HAUS1: variants seen among roughly 807,000 people sequenced by gnomAD.
HAUS1 encodes HAUS augmin-like complex subunit 1.
Under a neutral mutation model 38.6 loss-of-function variants are expected in HAUS1, and 25 were observed. The observed-to-expected ratio is 0.65, with a 90% CI of 0.47 to 0.91. The LOEUF is 0.91. HAUS1 is among the 40% of genes least tolerant of loss of function. The pLI, the probability that HAUS1 is intolerant of heterozygous loss-of-function variation, is 0.00. For missense variants in HAUS1, 325 were observed against 328.4 expected, an observed-to-expected ratio of 0.99 and a Z score of 0.08; for synonymous variants, 109 against 112.9, an observed-to-expected ratio of 0.97 and a Z score of 0.22.
intron 4 of HAUS1, chr18:46,121,784 A>G (rs1321938974): frequency 6.6e-6 from 1 of 152,148 alleles, no homozygotes; most frequent in Non-Finnish European, 1.5e-5. Flanking sequence ...TTAATTGTAA[A>G]ATTGTTGTAA....
Position 46,105,592 on chromosome 18 carries a change from G to GTA in HAUS1, c.205+230_205+231dup, listed in dbSNP as rs1555697187. Among the ~76,000 whole-genome samples the GTA allele has an allele frequency of 9.9e-4, 143 of 145,042 alleles. 2 individuals carry two copies. Among genetic ancestry groups the GTA allele is most frequent in the South Asian group, 2.5e-3 (11 of 4,480 alleles). ...TGTGTGTGTGTGTGTGTGTGTGTGT[G>GTA]TATATATTTTAGACAATCTTGCTCT... On this transcript the variant is annotated intron_variant, in intron 2 of 8. Coordinates refer to ENST00000282058, the MANE Select transcript of HAUS1 (RefSeq NM_138443.4).
At chr18:46,116,286 G>A (rs993058000) in intron 2 of HAUS1, among the ~76,000 whole-genome samples, 1 of 152,112 alleles carries the variant, frequency 6.6e-6, no homozygotes, top group African/African-American at 2.4e-5. Flanking sequence ...TAAAGCCTGG[G>A]CACAGTGGCT....
intron 7 of HAUS1, 151 bp from the exon 8 acceptor site, chr18:46,125,593 T>C (rs1392204623): frequency 2.4e-5 from 13 of 539,944 alleles, no homozygotes; most frequent in Non-Finnish European, 4.4e-5. Flanking sequence ...TTTTTAAAGG[T>C]TTAAAGTCAG....
chr18:46,112,998 A>ATATATATATGGAATATATATATTCCATAT lies in HAUS1; in HGVS notation c.206-5176_206-5175insATGGAATATATATATTCCATATTATATAT, dbSNP rs1568263599. On this transcript the variant is annotated intron_variant, in intron 2 of 8. Transcript: ENST00000282058. ...ATATTATATATATAATATATATTCC[A>ATATATATATGGAATATATATATTCCATAT]TATATATGGAATATATATATTCCAT... Among the ~76,000 whole-genome samples, 536 of 69,372 alleles carry ATATATATATGGAATATATATATTCCATAT rather than the reference A, an allele frequency of 7.7e-3. 41 individuals carry two copies. Among genetic ancestry groups the ATATATATATGGAATATATATATTCCATAT allele is most frequent in the Non-Finnish European group, 9.6e-3 (374 of 38,884 alleles). The allele number at this position is 69,372 out of a possible 152,430, so 45.5% of individuals were successfully genotyped here. A position where few individuals can be genotyped will look rare whatever the true frequency, so the allele number is the denominator to read the frequency against.
At chr18:46,111,644 G>C (rs1463050499) in intron 2 of HAUS1, among the ~76,000 whole-genome samples, 1 of 152,012 alleles carries the variant, frequency 6.6e-6, no homozygotes, top group African/African-American at 2.4e-5. Context: ...TTTTAATAGA[G>C]ATAGGGTTTC....
rs761063397 is a variant in HAUS1, at chr18:46,118,236, C to T, written c.261C>T (p.Leu87=). ...MESVNFSPAN[L]SSTGSRYLNA... ...GTGTGAATTTTTCCCCCGCCAATCT[C>T]TCTAGCACTGGTTCCAGGTATCTGA... is the stretch of plus-strand genomic sequence containing the variant. The change falls in exon 3 of 9, where the codon CTC becomes CTT. Residue 87 remains leucine, a synonymous_variant. Coordinates refer to ENST00000282058, the MANE Select transcript of HAUS1 (RefSeq NM_138443.4). 4 of 1,612,524 alleles carry T rather than the reference C, an allele frequency of 2.5e-6. No homozygotes were observed. The Admixed American group carries it at 6.7e-5, about 27-fold the overall frequency.
At chr18:46,117,719 C>T (rs555005488) in intron 2 of HAUS1, among the ~76,000 whole-genome samples, 19 of 151,844 alleles carry the variant, frequency 1.3e-4, no homozygotes, top group Non-Finnish European at 1.9e-4. Context: ...CCAAAGTGGG[C>T]GGATCACGAG....
At position 46,105,359 on chromosome 18, in the gene HAUS1, G is replaced by C; in HGVS notation, c.196G>C (p.Glu66Gln). 6.2e-7 allele frequency: 1 copy of C among 1,610,954 alleles called. No homozygotes were observed. Among genetic ancestry groups the C allele is most frequent in the Non-Finnish European group, 8.5e-7 (1 of 1,178,420 alleles). The change falls in exon 2 of 9, where the codon GAG becomes CAG. Residue 66 changes from glutamate to glutamine, a missense_variant. Glu to Gln is a conservative substitution (Grantham distance 29). Coordinates refer to ENST00000282058, the MANE Select transcript of HAUS1 (RefSeq NM_138443.4). ...CTTGAAGCAGAAAGCAAGTGAATAC[G>C]AGTCAGAAGGTGAGATTAAGTCCAG... ...EDLKQKASEY[E>Q]SEAKYLQDLL...
intron 4 of HAUS1, among the ~76,000 whole-genome samples, 163 bp from the exon 5 acceptor site, chr18:46,122,304 T>TCAA (rs370835393): frequency 3.4e-4 from 51 of 148,416 alleles, no homozygotes; most frequent in African/African-American, 7.7e-4. Context: ...ACCTCATCTC[T>TCAA]TAAAAAAAAA....
At chr18:46,118,938 G>T (rs916225812) in intron 3 of HAUS1, among the ~76,000 whole-genome samples, 3 of 152,082 alleles carry the variant, frequency 2.0e-5, no homozygotes, top group African/African-American at 7.2e-5. Context: ...CGTGATCTCG[G>T]CTCCCTACAA....
intron 2 of HAUS1, among the ~76,000 whole-genome samples, chr18:46,117,302 G>A (rs918258479): frequency 1.3e-5 from 2 of 152,176 alleles, no homozygotes; most frequent in Non-Finnish European, 2.9e-5. Flanking sequence ...CAGTGGTTAA[G>A]TGGATAAATA....
At chr18:46,118,819 A>G (rs1177524525) in intron 3 of HAUS1, among the ~76,000 whole-genome samples, 1 of 152,170 alleles carries the variant, frequency 6.6e-6, no homozygotes, top group East Asian at 1.9e-4. Context: ...TATAAAGTTC[A>G]TATGACTACC....
intron 6 of HAUS1, among the ~76,000 whole-genome samples, chr18:46,124,578 T>A (rs886844984): frequency 6.6e-6 from 1 of 151,806 alleles, no homozygotes; most frequent in African/African-American, 2.4e-5. Flanking sequence ...ACAGAAAGAC[T>A]CCATCTCAAA....
chr18:46,109,049 A>C (rs541755981), intron 2 of HAUS1, among the ~76,000 whole-genome samples: 1 of 146,274 alleles, frequency 6.8e-6, no homozygotes, highest in South Asian at 2.2e-4. Context: ...CTAGCCTGGG[A>C]GACAGAGCAA....
chr18:46,124,954 A>G (rs1248466160), intron 7 of HAUS1, 61 bp downstream of exon 7: 4 of 939,610 alleles, frequency 4.3e-6, no homozygotes, highest in Non-Finnish European at 5.1e-6. Context: ...AGGGTACTAT[A>G]TGACCATGAA....
At chr18:46,106,019 CTG>C (rs1911466381) in intron 2 of HAUS1, among the ~76,000 whole-genome samples, 1 of 152,152 alleles carries the variant, frequency 6.6e-6, no homozygotes, top group Non-Finnish European at 1.5e-5. Context: ...ACTTACCTAT[CTG>C]TTTTTTCTGT....
intron 2 of HAUS1, among the ~76,000 whole-genome samples, chr18:46,107,137 C>T (rs1911502547): frequency 6.6e-6 from 1 of 152,040 alleles, no homozygotes; most frequent in African/African-American, 2.4e-5. Flanking sequence ...TCTGAAATCA[C>T]ACAATCAAGA....
intron 2 of HAUS1, among the ~76,000 whole-genome samples, chr18:46,107,462 A>T (rs1029842910): frequency 6.6e-6 from 1 of 152,214 alleles, no homozygotes; most frequent in Non-Finnish European, 1.5e-5. Context: ...GCAAAATTTT[A>T]ACACAATTTT....
At chr18:46,109,087 A>AG (rs1491459966) in intron 2 of HAUS1, among the ~76,000 whole-genome samples, 1 of 147,998 alleles carries the variant, frequency 6.8e-6, no homozygotes, top group Non-Finnish European at 1.5e-5. Flanking sequence ...AAAAAAAAAA[A>AG]AGAGAAAAGA....
Sources: allele counts gnomAD v4.1 joint callset (sites outside exome capture counted in the v4.1 genomes callset), GRCh38; gene constraint gnomAD v4.1.1; transcripts MANE v1.5; gene names NCBI Gene and HGNC (gene_info 2026-07-23, HGNC 2026-07-21).